ARL5A: variants seen among roughly 807,000 people sequenced by gnomAD.
ARL5A encodes the protein ADP-ribosylation factor-like protein 5A.
ARL5A carries 18 observed loss-of-function variants against 25.9 expected under a neutral mutation model. The ratio of observed to expected loss-of-function variants is 0.69; its 90% CI spans 0.48 to 1.03. The LOEUF is 1.03. Among genes scored for constraint, ARL5A ranks in the 50% least tolerant of loss-of-function variants. The pLI is 0.00. For synonymous variants in ARL5A, 61 were observed against 67.5 expected, an observed-to-expected ratio of 0.90 and a Z score of 0.47; for missense variants, 170 against 211.9, an observed-to-expected ratio of 0.80 and a Z score of 1.23.
chr2:151,815,223 A>G, intron 1 of ARL5A, 24 bp from the exon 2 acceptor site: 1 of 1,564,156 alleles, frequency 6.4e-7, no homozygotes, highest in South Asian at 1.2e-5. Flanking sequence ...AACACCAGTG[A>G]TTTTTTTTCA....
intron 2 of ARL5A, among the ~76,000 whole-genome samples, chr2:151,814,927 C>A (rs1355001873): frequency 6.6e-6 from 1 of 152,064 alleles, no homozygotes; most frequent in Non-Finnish European, 1.5e-5. Context: ...AACAAGTGGA[C>A]AACTCAATGC....
In ARL5A at chr2:151,815,092, A is replaced by G. The variant is rs1211055114; in HGVS notation, c.107+47T>C. ...CATTGATCGACTATCACCCAGGCCA[A>G]AAAAGTAACTAGAAATAAAATAATT... On this transcript the variant is annotated intron_variant, in intron 2 of 5. Coordinates refer to ENST00000295087, the MANE Select transcript of ARL5A (RefSeq NM_012097.4). 3 of 1,457,876 alleles carry G rather than the reference A, an allele frequency of 2.1e-6. No individual in the cohort carries two copies. In the Admixed American group the frequency reaches 5.7e-5, roughly 28 times the overall value. The allele number at this position is 1,457,876 out of a possible 1,614,324, so 90.3% of individuals were successfully genotyped here. A position where few individuals can be genotyped will look rare whatever the true frequency, so the allele number is the denominator to read the frequency against.
At chr2:151,811,131 G>A (rs965200251) in intron 4 of ARL5A, among the ~76,000 whole-genome samples, 5 of 152,122 alleles carry the variant, frequency 3.3e-5, no homozygotes, top group Admixed American at 6.5e-5. Flanking sequence ...CATCTTGGTG[G>A]TCATAAGGAA....
At position 151,799,507 on chromosome 2, in the gene ARL5A, A is replaced by C. The variant is rs2099829135; in HGVS notation, c.*3769T>G. 2 of 152,228 alleles carry C rather than the reference A, an allele frequency of 1.3e-5. No individual in the cohort carries two copies. Among genetic ancestry groups the C allele is most frequent in the South Asian group, 4.1e-4 (2 of 4,834 alleles). 9.4% of individuals were successfully genotyped at this position (152,228 alleles called of 1,614,324 possible). ...TGGTAGTGGGAAGATAATACACATAAAACTTAATCCTGCCCATGCCTAACT... is the reference window on the plus strand; with the variant it reads ...TGGTAGTGGGAAGATAATACACATACAACTTAATCCTGCCCATGCCTAACT... On this transcript the variant is annotated 3_prime_UTR_variant, in exon 6 of 6. Coordinates refer to ENST00000295087, the MANE Select transcript of ARL5A (RefSeq NM_012097.4).
rs2099829431 is a variant in ARL5A at position 151,801,677 on chromosome 2, C to T, written c.*1599G>A. On this transcript the variant is annotated 3_prime_UTR_variant, in exon 6 of 6. Coordinates refer to ENST00000295087, the MANE Select transcript of ARL5A (RefSeq NM_012097.4). ...CCTGGATTTAGATATTGAGTATTTC[C>T]CATTTTAAAGAAAGAAACTTTCAAA... 1 of 151,942 alleles carries T rather than the reference C, an allele frequency of 6.6e-6. No homozygotes were observed. The allele number at this position is 151,942 out of a possible 1,614,324, so 9.4% of individuals were successfully genotyped here.
intron 2 of ARL5A, among the ~76,000 whole-genome samples, chr2:151,814,718 G>A (rs1412340563): frequency 1.3e-5 from 2 of 151,598 alleles, no homozygotes; most frequent in African/African-American, 4.9e-5. Context: ...ACTACATCCA[G>A]CTAATTTTAA....
In ARL5A at chr2:151,815,193, T is replaced by C. The variant is rs1426993825; in HGVS notation, c.53A>G (p.Lys18Arg). ...IWRLFNHQEHKVIIVGLDNAG... is the reference protein window; with the variant it reads ...IWRLFNHQEHRVIIVGLDNAG... Reference sequence around the variant, plus strand: ...ATTATCCAGCCCAACAATGATAACTTTGTGCTCTGAAATAGAGAAAACACC... The same window carrying C: ...ATTATCCAGCCCAACAATGATAACTCTGTGCTCTGAAATAGAGAAAACACC... Residue 18 changes from lysine (K) to arginine (R), a missense_variant, in exon 2 of 6, where the codon AAA (lysine) becomes AGA (arginine). Coordinates refer to ENST00000295087, the MANE Select transcript of ARL5A (RefSeq NM_012097.4). 6 of 1,605,638 alleles carry C rather than the reference T, an allele frequency of 3.7e-6. No homozygotes were observed. Among genetic ancestry groups the C allele is most frequent in the South Asian group, 2.2e-5 (2 of 88,906 alleles).
chr2:151,803,422 G>T, intron 5 of ARL5A, 98 bp from the exon 6 acceptor site: 1 of 842,180 alleles, frequency 1.2e-6, no homozygotes, highest in Non-Finnish European at 2.0e-6. Context: ...TTTTCATTTA[G>T]CTAAATAACA....
intron 1 of ARL5A, among the ~76,000 whole-genome samples, chr2:151,817,210 G>C (rs1305206771): frequency 6.6e-6 from 1 of 152,174 alleles, no homozygotes; most frequent in African/African-American, 2.4e-5. Context: ...TTAAAGTCTA[G>C]CTTTCCATGT....
At chr2:151,809,454 T>C (rs1221598498) in intron 4 of ARL5A, among the ~76,000 whole-genome samples, 1 of 152,228 alleles carries the variant, frequency 6.6e-6, no homozygotes, top group Non-Finnish European at 1.5e-5. Context: ...TAAGAAGTTA[T>C]TTTATCAATT....
Position 151,812,343 on chromosome 2 carries a change from G to A in ARL5A, c.339+14C>T. 2 of 1,559,628 alleles carry A rather than the reference G, an allele frequency of 1.3e-6. No homozygotes were observed. The highest frequency in any genetic ancestry group is 1.7e-6 in the Non-Finnish European group (2 of 1,144,682). ...CCCTTCCCCATATCTAATGTAAAAA[G>A]ACTACTTACTTACCTCATGCGCTAA... On this transcript the variant is annotated intron_variant, in intron 4 of 5. Coordinates refer to ENST00000295087, the MANE Select transcript of ARL5A (RefSeq NM_012097.4).
chr2:151,804,204 A>G (rs2099829793), intron 5 of ARL5A, among the ~76,000 whole-genome samples: 1 of 152,322 alleles, frequency 6.6e-6, no homozygotes, highest in African/African-American at 2.4e-5. Flanking sequence ...AAAACTTTTG[A>G]AGGCAATAAA....
intron 3 of ARL5A, among the ~76,000 whole-genome samples, chr2:151,812,753 A>C (rs2099831005): frequency 6.6e-6 from 1 of 152,184 alleles, no homozygotes; most frequent in Non-Finnish European, 1.5e-5. Flanking sequence ...CAAATCAACA[A>C]GAAAAACATG....
chr2:151,828,063 G>A, intron 1 of ARL5A, 68 bp downstream of exon 1: 2 of 1,533,076 alleles, frequency 1.3e-6, no homozygotes, highest in Middle Eastern at 1.7e-4. Context: ...AGTATTCGGA[G>A]ACCCCCACCT....
Position 151,802,353 on chromosome 2 carries a change from C to A in ARL5A, c.*923G>T, listed in dbSNP as rs1210635974. 6.6e-6 allele frequency: 1 copy of A among 152,150 alleles called. No individual in the cohort carries two copies. The highest frequency in any genetic ancestry group is 1.9e-4 in the East Asian group (1 of 5,184). The allele number at this position is 152,150 out of a possible 1,614,324, so 9.4% of individuals were successfully genotyped here. A position where few individuals can be genotyped will look rare whatever the true frequency, so the allele number is the denominator to read the frequency against. On this transcript the variant is annotated 3_prime_UTR_variant, in exon 6 of 6. Coordinates refer to ENST00000295087, the MANE Select transcript of ARL5A (RefSeq NM_012097.4). ...AAAACAGTTTTCAATTAATGCTGAG[C>A]ATTCATTTGATAATTGTAATCATAA... is the stretch of plus-strand genomic sequence containing the variant.
In ARL5A at chr2:151,801,548, T is replaced by C. The variant is rs1485194054; in HGVS notation, c.*1728A>G. The C allele has an allele frequency of 1.3e-5, 2 of 152,166 alleles. No homozygotes were observed. The highest frequency in any genetic ancestry group is 1.9e-4 in the East Asian group (1 of 5,204). The allele number at this position is 152,166 out of a possible 1,614,324, so 9.4% of individuals were successfully genotyped here. Reference sequence around the variant, plus strand: ...AGCTTAGTAATTTAAGATTTACTTTTGTAAAACCATGTGGACAAATATTAA... The same window carrying C: ...AGCTTAGTAATTTAAGATTTACTTTCGTAAAACCATGTGGACAAATATTAA... On this transcript the variant is annotated 3_prime_UTR_variant, in exon 6 of 6. Coordinates refer to ENST00000295087, the MANE Select transcript of ARL5A (RefSeq NM_012097.4).
At chr2:151,815,223 AT>A (rs768444143) in intron 1 of ARL5A, 24 bp from the exon 2 acceptor site, 22 of 1,563,952 alleles carry the variant, frequency 1.4e-5, no homozygotes, top group Middle Eastern at 2.0e-4. Flanking sequence ...AACACCAGTG[AT>A]TTTTTTTCAA....
At position 151,802,897 on chromosome 2, in the gene ARL5A, TTGTATTCTGACTTAATGG is replaced by T. The variant is rs142147569; in HGVS notation, c.*361_*378del. The T allele has an allele frequency of 0.012, 2,019 of 169,738 alleles. 50 individuals are homozygous for T. Among genetic ancestry groups the T allele is most frequent in the African/African-American group, 0.046 (1,932 of 42,096 alleles). 10.5% of individuals were successfully genotyped at this position (169,738 alleles called of 1,614,324 possible). On this transcript the variant is annotated 3_prime_UTR_variant, in exon 6 of 6. Transcript: ENST00000295087. ...GAAACATTCGAATATCTGTGCTGAT[TTGTATTCTGACTTAATGG>T]AACAAGAAGAAAATAACATTCAACT...
At position 151,813,231 on chromosome 2, in the gene ARL5A, T is replaced by G. The variant is rs527392289; in HGVS notation, c.256-791A>C. On this transcript the variant is annotated intron_variant, in intron 3 of 5. Transcript: ENST00000295087. The stretch of plus-strand genomic sequence containing the variant: ...AGATCTTAATTTTTAAATAAATTAT[T>G]ATGATTTTCTGGATCTTTTCAATTA... Among the ~76,000 whole-genome samples the G allele has an allele frequency of 9.2e-5, 14 of 152,348 alleles. 1 individual carries two copies. In the South Asian group the frequency reaches 2.7e-3, roughly 29 times the overall value.
Sources: gnomAD v4.1 joint callset for allele counts (sites outside exome capture counted in the v4.1 genomes callset) on GRCh38, gnomAD v4.1.1 for gene constraint, MANE v1.5 for transcripts, NCBI Gene and HGNC (gene_info 2026-07-23, HGNC 2026-07-21) for gene names.